RBM26: variants seen among roughly 807,000 people sequenced by gnomAD.
RBM26 encodes the protein RNA binding motif protein 26, also known as RNA-binding protein 26.
Under a neutral mutation model 123.6 loss-of-function variants are expected in RBM26, and 30 were observed. That is an observed-to-expected ratio of 0.24 (90% CI 0.18 to 0.33). RBM26 has a LOEUF of 0.33. RBM26 is among the 10% of genes least tolerant of loss of function. The pLI is 1.00. For synonymous variants in RBM26, 400 were observed against 404.4 expected, an observed-to-expected ratio of 0.99 and a Z score of 0.13; for missense variants, 947 against 1,203.6, an observed-to-expected ratio of 0.79 and a Z score of 3.15.
intron 9 of RBM26, among the ~76,000 whole-genome samples, chr13:79,360,375 T>C (rs1470620528): frequency 1.3e-5 from 2 of 152,104 alleles, no homozygotes; most frequent in Non-Finnish European, 2.9e-5. Flanking sequence ...CATTTCACAA[T>C]TAACTATGAA....
At chr13:79,317,144 A>G (rs2067224229), downstream of RBM26, among the ~76,000 whole-genome samples, 1 of 151,772 alleles carries the variant, frequency 6.6e-6, no homozygotes, top group Non-Finnish European at 1.5e-5. Flanking sequence ...GTGCTGGTGA[A>G]TACAGAAGTT....
At chr13:79,320,835 G>A in intron 21 of RBM26, 125 bp from the exon 22 acceptor site, 2 of 1,098,054 alleles carry the variant, frequency 1.8e-6, no homozygotes, top group Non-Finnish European at 2.4e-6. Flanking sequence ...TTTATAGCTA[G>A]AACATTCACA....
chr13:79,396,237 T>A (rs77651947), intron 1 of RBM26, among the ~76,000 whole-genome samples: 3 of 152,014 alleles, frequency 2.0e-5, no homozygotes, highest in Admixed American at 6.5e-5. Flanking sequence ...GGTTCCACTT[T>A]AAGAGGAAAA....
Position 79,355,351 on chromosome 13 carries a change from T to C in RBM26, c.1723A>G (p.Ile575Val), listed in dbSNP as rs1020046058. ...GCTTCTTCGTATGTTGCAAATTGGA[T>C]TAGGGCACCTTCAGGATCACCATTA... ...AYNGDPEGALIQFATYEEAKK... is the reference protein window; with the variant it reads ...AYNGDPEGALVQFATYEEAKK... Residue 575 changes from isoleucine to valine, a missense_variant, in exon 12 of 22, where the codon ATC (isoleucine) becomes GTC (valine). By Grantham distance (29) the Ile-to-Val change is conservative (BLOSUM62 3). Transcript: ENST00000438737. 1.2e-6 allele frequency: 2 copies of C among 1,613,794 alleles called. No individual in the cohort carries two copies. Among genetic ancestry groups the C allele is most frequent in the Non-Finnish European group, 1.7e-6 (2 of 1,179,784 alleles).
At chr13:79,395,825 C>T (rs1011746830) in intron 1 of RBM26, among the ~76,000 whole-genome samples, 1 of 151,870 alleles carries the variant, frequency 6.6e-6, no homozygotes, top group Admixed American at 6.6e-5. Context: ...TTTTTTAAAA[C>T]ATACATGAGA....
rs990004059 is a variant in RBM26 at position 79,366,114 on chromosome 13, A to G, written c.1217T>C (p.Val406Ala). 1.2e-5 allele frequency: 19 copies of G among 1,613,960 alleles called. No homozygotes were observed. The highest frequency in any genetic ancestry group is 1.6e-5 in the Non-Finnish European group (19 of 1,179,926). ...CTGGTGATGAATGCCAGTTGTTACT[A>G]CAGTAGGAACAGAACTGGTTGCAGA... ...PNSATSSVPTVVTTGIHHQPP... is the reference protein window; with the variant it reads ...PNSATSSVPTAVTTGIHHQPP... Residue 406 changes from valine (V) to alanine (A), a missense_variant, in exon 8 of 22, where the codon GTA becomes GCA. Val to Ala is a moderately conservative substitution (Grantham distance 64). This residue lies in a region of RBM26 where 493 missense variants were observed against 563.1 expected (regional missense o/e 0.88). Coordinates refer to ENST00000438737, the MANE Select transcript of RBM26 (RefSeq NM_001366735.2).
chr13:79,397,680 CAAAAAAAAAAAAA>C (rs561587209), intron 1 of RBM26, among the ~76,000 whole-genome samples: 1 of 63,258 alleles, frequency 1.6e-5, no homozygotes, highest in Non-Finnish European at 2.7e-5. Flanking sequence ...GACTCCATCT[CAAAAAAAAAAAAA>C]AAAAAAAAAA....
chr13:79,344,191 A>G (rs1594132276), intron 16 of RBM26, 57 bp downstream of exon 16: 2 of 1,066,996 alleles, frequency 1.9e-6, no homozygotes, highest in Admixed American at 1.7e-5. Context: ...CATAAGATTA[A>G]GTTCACTCCA....
chr13:79,391,213 G>A (rs1209893040), intron 1 of RBM26, among the ~76,000 whole-genome samples: 5 of 152,124 alleles, frequency 3.3e-5, no homozygotes, highest in African/African-American at 7.2e-5. Context: ...TTTGTAGCAC[G>A]CATATAGTCA....
In RBM26 at chr13:79,368,689, A is replaced by C. The variant is rs770649708; in HGVS notation, c.895+41T>G. ...TAAACACAGAATTTAGGCAGCTGGA[A>C]ATATTAATTAAATACTTTATCAAAC... On this transcript the variant is annotated intron_variant, in intron 6 of 21. Coordinates refer to ENST00000438737, the MANE Select transcript of RBM26 (RefSeq NM_001366735.2). 25 of 1,568,964 alleles carry C rather than the reference A, an allele frequency of 1.6e-5. No homozygotes were observed. In the Middle Eastern group the frequency reaches 6.8e-4, roughly 43 times the overall value.
At chr13:79,373,370 AT>A (rs2076220640) in intron 3 of RBM26, among the ~76,000 whole-genome samples, 2 of 102,270 alleles carry the variant, frequency 2.0e-5, no homozygotes, top group African/African-American at 7.9e-5. Flanking sequence ...TAAATATATA[AT>A]ATATATTATA....
chr13:79,379,543 C>CA (rs35564097), intron 1 of RBM26, among the ~76,000 whole-genome samples: 70,506 of 147,046 alleles, frequency 0.48, 17,123 homozygotes, highest in East Asian at 0.72. Flanking sequence ...AACCCTATCT[C>CA]AAAAAAAAAA....
chr13:79,330,429 A>T (rs532760953), intron 20 of RBM26, among the ~76,000 whole-genome samples: 1 of 152,340 alleles, frequency 6.6e-6, no homozygotes, highest in South Asian at 2.1e-4. Flanking sequence ...GACTTAGTCC[A>T]TTTAGACTAC....
At chr13:79,364,740 T>A (rs2075079556) in intron 9 of RBM26, among the ~76,000 whole-genome samples, 1 of 150,822 alleles carries the variant, frequency 6.6e-6, no homozygotes, top group African/African-American at 2.5e-5. Context: ...TGTGACTATG[T>A]CAACCCAAAT....
chr13:79,346,626 T>C (rs2072382828), intron 14 of RBM26, among the ~76,000 whole-genome samples: 1 of 152,200 alleles, frequency 6.6e-6, no homozygotes, highest in African/African-American at 2.4e-5. Context: ...TCTTCCTGCC[T>C]TGGCGCCCCA....
exon 5 of RBM26, chr13:79,312,045 C>CA (rs1265603285): frequency 9.2e-5 from 14 of 151,862 alleles, no homozygotes; most frequent in Admixed American, 7.9e-4. Flanking sequence ...AAAAAATAAA[C>CA]AAAAAAGCTG....
Position 79,392,755 on chromosome 13 carries a change from CTG to C in RBM26, c.71+12947_71+12948del, listed in dbSNP as rs1212393093. On this transcript the variant is annotated intron_variant, in intron 1 of 21. Transcript: ENST00000438737. ...GAAACAAGCCGCTTTAACTACAAAA[CTG>C]TAGTATTTTTTAAAACCCAACAAGC... 8.0e-5 allele frequency among the ~76,000 whole-genome samples: 12 copies of C among 149,702 alleles called. No individual in the cohort carries two copies. The East Asian group carries it at 1.9e-3, about 24-fold the overall frequency.
intron 1 of RBM26, among the ~76,000 whole-genome samples, chr13:79,401,091 G>C (rs2079023574): frequency 1.3e-5 from 2 of 152,008 alleles, no homozygotes; most frequent in Admixed American, 6.6e-5. Context: ...AAGGTCAAAG[G>C]AATCAAAAAT....
intron 18 of RBM26, among the ~76,000 whole-genome samples, chr13:79,339,938 T>C (rs556649703): frequency 1.3e-5 from 2 of 152,158 alleles, no homozygotes; most frequent in South Asian, 4.1e-4. Context: ...TAAGCCGTGA[T>C]AAAGGAAAAA....
Sources: gnomAD v4.1 joint callset for allele counts (sites outside exome capture counted in the v4.1 genomes callset) on GRCh38, gnomAD v4.1.1 for gene constraint, gnomAD v4.1.1 regional missense constraint, MANE v1.5 for transcripts, NCBI Gene and HGNC (gene_info 2026-07-23, HGNC 2026-07-21) for gene names.